Variants in AGBL4 observed in about 807,000 individuals in gnomAD.
AGBL4 encodes AGBL carboxypeptidase 4, also known as cytosolic carboxypeptidase 6.
AGBL4 carries 58 observed loss-of-function variants against 66.4 expected under a neutral mutation model. The ratio of observed to expected loss-of-function variants is 0.87; its 90% confidence interval spans 0.71 to 1.09. The LOEUF is 1.09. Among genes scored for constraint, AGBL4 ranks in the 50% least tolerant of loss-of-function variants. AGBL4 has a pLI of 0.00. For missense variants in AGBL4, 579 were observed against 631.0 expected, an observed-to-expected ratio of 0.92 and a Z score of 0.88; for synonymous variants, 234 against 222.9, an observed-to-expected ratio of 1.05 and a Z score of -0.44.
intron 4 of AGBL4, among the ~76,000 whole-genome samples, chr1:49,157,831 T>C (rs960098566): frequency 6.6e-6 from 1 of 152,236 alleles, no homozygotes; most frequent in Non-Finnish European, 1.5e-5. Flanking sequence ...TAATGACCAG[T>C]GATGATGAGC....
intron 3 of AGBL4, among the ~76,000 whole-genome samples, chr1:49,567,323 G>A (rs200013761): frequency 3.3e-5 from 5 of 152,214 alleles, no homozygotes; most frequent in South Asian, 4.1e-4. Context: ...CCCACTTTCC[G>A]GCACTCCCCA....
At chr1:49,573,350 T>C (rs1644372597) in intron 3 of AGBL4, among the ~76,000 whole-genome samples, 1 of 152,096 alleles carries the variant, frequency 6.6e-6, no homozygotes, top group Admixed American at 6.5e-5. Flanking sequence ...ATGCTAGGAC[T>C]CTACTTCTAA....
intron 4 of AGBL4, among the ~76,000 whole-genome samples, chr1:49,117,606 T>C (rs1645554904): frequency 1.3e-5 from 2 of 152,228 alleles, no homozygotes; most frequent in African/African-American, 4.8e-5. Context: ...ACTACCATGC[T>C]ATTTTGGTTA....
intron 3 of AGBL4, among the ~76,000 whole-genome samples, chr1:49,587,526 A>G (rs1333821003): frequency 2.0e-5 from 3 of 152,140 alleles, no homozygotes; most frequent in African/African-American, 7.2e-5. Context: ...ATGCATATAT[A>G]TATCCATCAT....
intron 3 of AGBL4, among the ~76,000 whole-genome samples, chr1:49,288,659 T>G (rs1452713191): frequency 6.6e-6 from 1 of 152,114 alleles, no homozygotes; most frequent in East Asian, 1.9e-4. Flanking sequence ...CTTTCAACAG[T>G]CTCAAAGTGC....
chr1:49,194,085 A>G (rs1647178849), intron 4 of AGBL4, among the ~76,000 whole-genome samples: 1 of 152,032 alleles, frequency 6.6e-6, no homozygotes, highest in Non-Finnish European at 1.5e-5. Flanking sequence ...TTCTGTCTCA[A>G]TGGTCTGTTT....
chr1:49,695,277 T>C (rs10159286), intron 3 of AGBL4, among the ~76,000 whole-genome samples: 8,098 of 152,218 alleles, frequency 0.053, 242 homozygotes, highest in African/African-American at 0.071. Flanking sequence ...GGTATGTGTT[T>C]GTGACAACCA....
chr1:49,033,713 T>C (rs1256701256), intron 5 of AGBL4, among the ~76,000 whole-genome samples: 1 of 152,150 alleles, frequency 6.6e-6, no homozygotes, highest in Non-Finnish European at 1.5e-5. Context: ...TTACATTTGC[T>C]CAATCTGCTC....
intron 3 of AGBL4, among the ~76,000 whole-genome samples, chr1:49,390,770 C>A (rs1044384520): frequency 2.0e-5 from 3 of 152,172 alleles, no homozygotes; most frequent in Admixed American, 2.0e-4. Flanking sequence ...TTTTGGCCCA[C>A]TAGCAACTAC....
intron 3 of AGBL4, among the ~76,000 whole-genome samples, chr1:49,559,540 T>C (rs1476566185): frequency 6.6e-6 from 1 of 152,198 alleles, no homozygotes; most frequent in African/African-American, 2.4e-5. Context: ...CCCTCCATTT[T>C]GGTGGAAACC....
downstream of AGBL4, among the ~76,000 whole-genome samples, chr1:48,531,828 T>A (rs1643908225): frequency 6.6e-6 from 1 of 152,136 alleles, no homozygotes; most frequent in South Asian, 2.1e-4. Flanking sequence ...CAGGCTGGAG[T>A]GCGGTGGCAT....
chr1:49,832,266 G>A lies in AGBL4; in HGVS notation c.157+19130C>T, dbSNP rs868386342. Among the ~76,000 whole-genome samples the A allele has an allele frequency of 3.5e-3, 522 of 150,812 alleles. 1 individual carries two copies. Among genetic ancestry groups the A allele is most frequent in the African/African-American group, 0.012 (491 of 41,072 alleles). On this transcript the variant is annotated intron_variant, in intron 2 of 13. Coordinates refer to ENST00000371839, the MANE Select transcript of AGBL4 (RefSeq NM_032785.4). ...GTGGTGTTTGGTTTTTTGTTCTTGC[G>A]ATAGTTTACTGAGAATGATGATTTC...
intron 6 of AGBL4, among the ~76,000 whole-genome samples, chr1:48,779,320 A>T (rs1010548974): frequency 3.3e-5 from 5 of 152,154 alleles, no homozygotes; most frequent in Admixed American, 3.3e-4. Flanking sequence ...AAACTATTTG[A>T]CATTTCCAAA....
intron 5 of AGBL4, among the ~76,000 whole-genome samples, chr1:48,921,403 A>T (rs2148892228): frequency 6.6e-6 from 1 of 152,368 alleles, no homozygotes; most frequent in Admixed American, 6.5e-5. Context: ...TAATGACAAT[A>T]ATATCAGACA....
At chr1:49,987,072 A>G (rs900178088) in intron 1 of AGBL4, among the ~76,000 whole-genome samples, 2 of 152,060 alleles carry the variant, frequency 1.3e-5, no homozygotes, top group African/African-American at 4.8e-5. Context: ...TGATCTATGT[A>G]TAATACAGCC....
At chr1:48,544,650 C>G (rs1644129852) in intron 11 of AGBL4, among the ~76,000 whole-genome samples, 1 of 152,062 alleles carries the variant, frequency 6.6e-6, no homozygotes, top group South Asian at 2.1e-4. Flanking sequence ...GGTGAAGAAA[C>G]TTGTACTTGC....
intron 5 of AGBL4, among the ~76,000 whole-genome samples, chr1:48,885,746 G>A (rs1015999811): frequency 1.3e-5 from 2 of 152,148 alleles, no homozygotes; most frequent in African/African-American, 4.8e-5. Flanking sequence ...GGTGCCTAGA[G>A]GCTCCCCACT....
At chr1:49,107,694 T>TGTGTGA (rs764451269) in intron 4 of AGBL4, among the ~76,000 whole-genome samples, 120 of 113,982 alleles carry the variant, frequency 1.1e-3, no homozygotes, top group Non-Finnish European at 4.5e-4. Flanking sequence ...TGTGTGTGTG[T>TGTGTGA]GAGAGAGAGA....
intron 3 of AGBL4, among the ~76,000 whole-genome samples, chr1:49,437,149 C>A (rs1372915262): frequency 2.0e-5 from 3 of 152,090 alleles, no homozygotes; most frequent in Non-Finnish European, 2.9e-5. Context: ...CAGCCCGGGT[C>A]AGAGAAGTAT....
Sources: gnomAD v4.1 joint callset for allele counts (sites outside exome capture counted in the v4.1 genomes callset) on GRCh38, gnomAD v4.1.1 for gene constraint, MANE v1.5 for transcripts, NCBI Gene and HGNC (gene_info 2026-07-23, HGNC 2026-07-21) for gene names.